The following DENND1B variants were observed in gnomAD, a reference collection of about 807,000 sequenced individuals.
DENND1B encodes the protein DENN domain containing 1B.
DENND1B carries 59 observed loss-of-function variants against 90.1 expected under a neutral mutation model. The observed-to-expected ratio is 0.65, with a 90% CI of 0.53 to 0.81. The LOEUF (loss-of-function observed/expected upper bound fraction) is 0.81, where lower values mean the gene tolerates loss of function less well. Among genes scored for constraint, DENND1B ranks in the 40% least tolerant of loss-of-function variants. The pLI is 0.00. For synonymous variants in DENND1B, 337 were observed against 324.6 expected (o/e 1.04, Z -0.41); for missense variants, 862 against 912.6 (o/e 0.94, Z 0.71).
chr1:197,536,228 C>G (rs1669895154), intron 20 of DENND1B, among the ~76,000 whole-genome samples: 1 of 150,762 alleles, frequency 6.6e-6, no homozygotes, highest in African/African-American at 2.4e-5. Flanking sequence ...ATATTCTTCC[C>G]TGATTACTTT....
At chr1:197,524,369 G>A (rs1186562168) in intron 20 of DENND1B, among the ~76,000 whole-genome samples, 1 of 152,030 alleles carries the variant, frequency 6.6e-6, no homozygotes. Context: ...TATGGAAGTG[G>A]ATATAATTAT....
chr1:197,775,217 C>G lies in DENND1B; in HGVS notation c.-62G>C. ...CGCGCGCTGGCCTGGAAGCCCGCAG[C>G]CCGGCCGCGCGAGGGTCGCGCCGTC... On this transcript the variant is annotated 5_prime_UTR_variant, in exon 1 of 23. Transcript: ENST00000620048. 2.4e-6 allele frequency: 3 copies of G among 1,224,784 alleles called. No homozygotes were observed. Among genetic ancestry groups the G allele is most frequent in the Non-Finnish European group, 3.1e-6 (3 of 973,360 alleles). 75.9% of individuals were successfully genotyped at this position (1,224,784 alleles called of 1,614,324 possible). A position where few individuals can be genotyped will look rare whatever the true frequency, so the allele number is the denominator to read the frequency against.
At chr1:197,724,486 A>G (rs1455845746) in intron 2 of DENND1B, among the ~76,000 whole-genome samples, 2 of 152,120 alleles carry the variant, frequency 1.3e-5, no homozygotes, top group Non-Finnish European at 2.9e-5. Flanking sequence ...CTGTCACCCT[A>G]AAGAGATGGC....
intron 14 of DENND1B, among the ~76,000 whole-genome samples, chr1:197,583,613 T>G (rs1247884748): frequency 6.6e-6 from 1 of 152,280 alleles, no homozygotes; most frequent in East Asian, 1.9e-4. Context: ...GAAAACACTG[T>G]TACTATAAAA....
At chr1:197,676,964 A>G (rs1656144815) in intron 3 of DENND1B, among the ~76,000 whole-genome samples, 1 of 152,128 alleles carries the variant, frequency 6.6e-6, no homozygotes. Flanking sequence ...CCATAAATTG[A>G]TCAACTGAAA....
intron 6 of DENND1B, among the ~76,000 whole-genome samples, chr1:197,655,754 G>C (rs182030868): frequency 1.3e-5 from 2 of 151,910 alleles, no homozygotes; most frequent in Non-Finnish European, 2.9e-5. Flanking sequence ...GGATGGTCTC[G>C]ATCTCCTGAC....
intron 15 of DENND1B, among the ~76,000 whole-genome samples, chr1:197,576,101 G>T (rs74668968): frequency 2.8e-4 from 43 of 151,192 alleles, no homozygotes; most frequent in Admixed American, 1.7e-3. Context: ...AACAGAAAAA[G>T]AAAAAGAAAA....
At chr1:197,737,358 C>G (rs778983350) in intron 2 of DENND1B, among the ~76,000 whole-genome samples, 2 of 152,204 alleles carry the variant, frequency 1.3e-5, no homozygotes, top group African/African-American at 2.4e-5. Context: ...CCACCTCCAT[C>G]CTTAAAATAA....
At chr1:197,558,588 A>T (rs1671901179) in intron 15 of DENND1B, among the ~76,000 whole-genome samples, 1 of 151,794 alleles carries the variant, frequency 6.6e-6, no homozygotes, top group South Asian at 2.1e-4. Flanking sequence ...TATATATATA[A>T]AATCATTAAT....
At chr1:197,670,298 A>G (rs1476833904) in intron 5 of DENND1B, among the ~76,000 whole-genome samples, 2 of 152,208 alleles carry the variant, frequency 1.3e-5, no homozygotes, top group Non-Finnish European at 2.9e-5. Context: ...TCAAAACAAA[A>G]GGCTCAGACT....
chr1:197,611,526 C>T (rs948006615), intron 12 of DENND1B, among the ~76,000 whole-genome samples: 9 of 150,564 alleles, frequency 6.0e-5, no homozygotes, highest in African/African-American at 2.2e-4. Context: ...TAAATGGGAA[C>T]ATAATGAAGT....
intron 3 of DENND1B, among the ~76,000 whole-genome samples, chr1:197,695,717 T>C (rs1658366608): frequency 6.6e-6 from 1 of 151,100 alleles, no homozygotes; most frequent in Non-Finnish European, 1.5e-5. Context: ...TGACTGGTAG[T>C]TAAAAATGAC....
At chr1:197,565,508 C>G (rs1672561212) in intron 15 of DENND1B, among the ~76,000 whole-genome samples, 1 of 149,180 alleles carries the variant, frequency 6.7e-6, no homozygotes, top group African/African-American at 2.5e-5. Context: ...TATTATTATA[C>G]TTTAAGTTTT....
chr1:197,768,128 C>T (rs1254098818), intron 2 of DENND1B, among the ~76,000 whole-genome samples: 1 of 151,972 alleles, frequency 6.6e-6, no homozygotes, highest in East Asian at 1.9e-4. Context: ...GCTGCAGCTG[C>T]TGCTGCTGCT....
chr1:197,700,106 A>T (rs1658873388), intron 3 of DENND1B, among the ~76,000 whole-genome samples: 1 of 152,176 alleles, frequency 6.6e-6, no homozygotes, highest in Admixed American at 6.6e-5. Context: ...TTAGAAAAAA[A>T]CTATTTTAAA....
intron 15 of DENND1B, among the ~76,000 whole-genome samples, chr1:197,562,325 T>C (rs1672239485): frequency 6.6e-6 from 1 of 151,928 alleles, no homozygotes; most frequent in South Asian, 2.1e-4. Flanking sequence ...TTTTACAAAT[T>C]GAAGGTTTGT....
At chr1:197,612,364 T>A (rs1487633591) in intron 11 of DENND1B, among the ~76,000 whole-genome samples, 7 of 150,608 alleles carry the variant, frequency 4.6e-5, no homozygotes, top group Admixed American at 1.3e-4. Context: ...TTAACATCCG[T>A]TTTGCACATC....
upstream of DENND1B, among the ~76,000 whole-genome samples, chr1:197,777,661 C>T (rs1657332395): frequency 6.6e-6 from 1 of 152,096 alleles, no homozygotes; most frequent in South Asian, 2.1e-4. Flanking sequence ...AGTCTTAAAT[C>T]TTCCCAAGAT....
intron 2 of DENND1B, among the ~76,000 whole-genome samples, chr1:197,723,033 C>T (rs536404528): frequency 2.6e-5 from 4 of 152,192 alleles, no homozygotes; most frequent in Non-Finnish European, 5.9e-5. Flanking sequence ...ATGGATAATT[C>T]TAACCTTTCT....
Sources: gnomAD v4.1 joint callset for allele counts (sites outside exome capture counted in the v4.1 genomes callset) on GRCh38, gnomAD v4.1.1 for gene constraint, MANE v1.5 for transcripts, NCBI Gene and HGNC (gene_info 2026-07-23, HGNC 2026-07-21) for gene names.